The following PIWIL1 variants were observed in gnomAD, a reference collection of about 807,000 sequenced individuals.
PIWIL1 encodes piwi like RNA-mediated gene silencing 1, also known as piwi-like protein 1.
A neutral mutation model predicts 114.4 loss-of-function variants in PIWIL1; 73 were observed. The ratio of observed to expected loss-of-function variants is 0.64; its 90% confidence interval spans 0.53 to 0.78. PIWIL1 has a LOEUF of 0.78. Ranked by LOEUF, PIWIL1 falls within the 30% of genes least tolerant of loss-of-function variation. The probability of loss-of-function intolerance (pLI) is 0.00; values close to 1 mark genes in which losing one functional copy is unlikely to be tolerated. For synonymous variants in PIWIL1, 375 were observed against 369.0 expected, an observed-to-expected ratio of 1.02 and a Z score of -0.19; for missense variants, 723 against 1,063.1, an observed-to-expected ratio of 0.68 and a Z score of 4.45.
At chr12:130,354,856 T>C in intron 10 of PIWIL1, 32 bp from the exon 11 acceptor site, 1 of 1,494,660 alleles carries the variant, frequency 6.7e-7, no homozygotes, top group South Asian at 1.1e-5. Flanking sequence ...ATTATTTCTT[T>C]AACCATATGC....
chr12:130,424,468 C>T, the PIWIL1 span: 1,092 of 1,232,086 alleles, frequency 8.9e-4, 8 homozygotes, highest in African/African-American at 0.015. This position sits in a 1 kb window ranked among gnomAD's most constrained non-coding sequence, Gnocchi z 9.8. Flanking sequence ...ACGGTGTTTC[C>T]GAAGCCAAAC....
At chr12:130,406,033 C>T in the PIWIL1 span, 14 of 623,394 alleles carry the variant, frequency 2.2e-5, no homozygotes, top group South Asian at 2.1e-5. Context: ...TATAACTCAG[C>T]CAATTAAGCA....
the PIWIL1 span, among the ~76,000 whole-genome samples, chr12:130,392,272 C>T: frequency 2.5e-5 from 3 of 120,840 alleles, no homozygotes; most frequent in Admixed American, 8.7e-5. Flanking sequence ...CCGTCAGTTA[C>T]CTGGTGAATA....
chr12:130,410,795 A>C, the PIWIL1 span, among the ~76,000 whole-genome samples: 1 of 152,150 alleles, frequency 6.6e-6, no homozygotes, highest in Non-Finnish European at 1.5e-5. Context: ...GCTTATGTGA[A>C]TCTTCCAAGC....
At chr12:130,398,828 A>G in the PIWIL1 span, 14 of 188,228 alleles carry the variant, frequency 7.4e-5, no homozygotes, top group East Asian at 1.7e-3. Context: ...GTAAACACAC[A>G]GTTAGCTTGT....
Position 130,367,236 on chromosome 12 carries a change from G to A in PIWIL1, c.2299G>A (p.Val767Ile), listed in dbSNP as rs765090087. 4 of 1,614,054 alleles carry A rather than the reference G, an allele frequency of 2.5e-6. No homozygotes were observed. The highest frequency in any genetic ancestry group is 3.3e-5 in the Admixed American group (2 of 60,024). Residue 767 changes from valine to isoleucine, a missense_variant, in exon 19 of 21, where the codon GTA becomes ATA. Val to Ile is a conservative substitution (Grantham distance 29). Around this residue, in one of 8 missense-constraint regions of PIWIL1, gnomAD observed 106 missense variants for 182.8 expected, o/e 0.58. Coordinates refer to ENST00000245255, the MANE Select transcript of PIWIL1 (RefSeq NM_004764.5). ...QNPLPGTVID[V>I]EVTRPEWYDF... ...TCCACTTCCTGGAACAGTTATTGAT[G>A]TAGAGGTTACCAGACCAGAATGGTA...
the PIWIL1 span, among the ~76,000 whole-genome samples, chr12:130,405,854 C>T: frequency 6.6e-6 from 1 of 152,116 alleles, no homozygotes; most frequent in African/African-American, 2.4e-5. Flanking sequence ...AATCTAGAAA[C>T]TTAAATTGTT....
chr12:130,419,463 C>G, the PIWIL1 span: 2 of 152,368 alleles, frequency 1.3e-5, no homozygotes, highest in South Asian at 4.1e-4. The surrounding 1 kb of genome is among the most constrained non-coding windows in gnomAD (Gnocchi z 4.3). Context: ...ACCGACTGCC[C>G]TCACTGCTAC....
chr12:130,362,776 C>G lies in PIWIL1; in HGVS notation c.1981C>G (p.Arg661Gly). 1 of 1,614,000 alleles carries G rather than the reference C, an allele frequency of 6.2e-7. No individual in the cohort carries two copies. Among genetic ancestry groups the G allele is most frequent in the Non-Finnish European group, 8.5e-7 (1 of 1,179,902 alleles). ...TTTTTCTCTGAATAGCTGGTTCTCA[C>G]GCTGCATATTTCAGGATAGAGGACA... ...INEGMTRWFSRCIFQDRGQEL... is the reference protein window; with the variant it reads ...INEGMTRWFSGCIFQDRGQEL... The change falls in exon 17 of 21, where the codon CGC (arginine) becomes GGC (glycine). Residue 661 changes from arginine (R) to glycine (G), a missense_variant. Around this residue, in one of 8 missense-constraint regions of PIWIL1, gnomAD observed 298 missense variants for 420.8 expected, o/e 0.71. Coordinates refer to ENST00000245255, the MANE Select transcript of PIWIL1 (RefSeq NM_004764.5).
the PIWIL1 span, chr12:130,399,880 A>G: frequency 2.6e-6 from 4 of 1,550,486 alleles, no homozygotes; most frequent in Non-Finnish European, 3.5e-6. Context: ...TGCTTTGGCT[A>G]AAGGAATACA....
the PIWIL1 span, among the ~76,000 whole-genome samples, chr12:130,423,152 T>G: frequency 6.6e-6 from 1 of 152,208 alleles, no homozygotes; most frequent in Admixed American, 6.5e-5. Flanking sequence ...AATTCACCTT[T>G]AGATCAGGGT....
At chr12:130,375,330 A>G (rs963953793), downstream of PIWIL1, among the ~76,000 whole-genome samples, 9 of 152,228 alleles carry the variant, frequency 5.9e-5, no homozygotes, top group African/African-American at 2.2e-4. Flanking sequence ...CAGGTATTTA[A>G]TGCTGTCAAT....
the PIWIL1 span, among the ~76,000 whole-genome samples, chr12:130,391,972 C>G: frequency 6.6e-6 from 1 of 152,202 alleles, no homozygotes; most frequent in Non-Finnish European, 1.5e-5. Context: ...CATCAGTTAC[C>G]TGGTGAATAC....
the PIWIL1 span, among the ~76,000 whole-genome samples, chr12:130,401,310 T>A: frequency 6.6e-6 from 1 of 152,062 alleles, no homozygotes; most frequent in Non-Finnish European, 1.5e-5. Context: ...GAGACAGGGT[T>A]TCGCCGTGTT....
chr12:130,355,994 T>C (rs1318732191), intron 12 of PIWIL1, among the ~76,000 whole-genome samples: 2 of 151,866 alleles, frequency 1.3e-5, no homozygotes, highest in Non-Finnish European at 2.9e-5. Flanking sequence ...ATGTGGAGCC[T>C]GTAGCTGGGT....
intron 19 of PIWIL1, among the ~76,000 whole-genome samples, chr12:130,370,710 A>C (rs2073794653): frequency 2.0e-5 from 3 of 152,202 alleles, no homozygotes; most frequent in African/African-American, 7.2e-5. Flanking sequence ...CTTTTGTTAA[A>C]TAACAATGGG....
chr12:130,399,189 T>TA, the PIWIL1 span: 6 of 1,254,210 alleles, frequency 4.8e-6, no homozygotes, highest in Non-Finnish European at 6.2e-6. Flanking sequence ...AGCAAAGAAA[T>TA]AAAAATATAT....
chr12:130,398,443 C>G, the PIWIL1 span: 2 of 152,652 alleles, frequency 1.3e-5, no homozygotes, highest in Non-Finnish European at 2.9e-5. Context: ...GTAAAGCATC[C>G]CAAAGTACAC....
rs755751584 is a variant in PIWIL1, at chr12:130,342,708, T to C, written c.78+39T>C. The C allele has an allele frequency of 2.7e-6, 4 of 1,471,276 alleles. No homozygotes were observed. The South Asian group carries it at 3.4e-5, about 13-fold the overall frequency. 91.1% of individuals were successfully genotyped at this position (1,471,276 alleles called of 1,614,324 possible). On this transcript the variant is annotated intron_variant, in intron 2 of 20. Transcript: ENST00000245255. ...CGTTTCTGACTACAGAAAATGTCTT[T>C]GACTCTTGATCAGCCTAGGCTGTTG...
Sources: gnomAD v4.1 joint callset for allele counts (sites outside exome capture counted in the v4.1 genomes callset) on GRCh38, gnomAD v4.1.1 for gene constraint, gnomAD v4.1.1 regional missense constraint, Gnocchi (gnomAD v3.1) non-coding constraint, MANE v1.5 for transcripts, NCBI Gene and HGNC (gene_info 2026-07-23, HGNC 2026-07-21) for gene names.